TEAD1: variants seen among roughly 807,000 people sequenced by gnomAD.
The protein encoded by TEAD1 is TEA domain transcription factor 1, also known as transcriptional enhancer factor TEF-1.
TEAD1 carries 9 observed loss-of-function variants against 54.9 expected under a neutral mutation model. That is an observed-to-expected ratio of 0.16 (90% CI 0.10 to 0.29). TEAD1 has a LOEUF of 0.29. TEAD1 is among the 10% of genes least tolerant of loss of function. The pLI is 1.00. For synonymous variants in TEAD1, 200 were observed against 187.8 expected (o/e 1.07, Z -0.53); for missense variants, 387 against 535.9 (o/e 0.72, Z 2.74).
At chr11:12,696,425 C>T (rs777617994) in intron 2 of TEAD1, among the ~76,000 whole-genome samples, 3 of 152,082 alleles carry the variant, frequency 2.0e-5, no homozygotes, top group Non-Finnish European at 4.4e-5. Flanking sequence ...GATGTTTGAC[C>T]CATGGGTATA....
intron 2 of TEAD1, among the ~76,000 whole-genome samples, chr11:12,720,608 G>A (rs1259339306): frequency 6.6e-6 from 1 of 152,156 alleles, no homozygotes; most frequent in Non-Finnish European, 1.5e-5. Flanking sequence ...AATGGTGAAG[G>A]CAGGATTTGA....
At chr11:12,687,031 T>C (rs1943348542) in intron 2 of TEAD1, among the ~76,000 whole-genome samples, 1 of 152,188 alleles carries the variant, frequency 6.6e-6, no homozygotes, top group Non-Finnish European at 1.5e-5. Flanking sequence ...GTCCTCCAAG[T>C]GCTGGGTCTT....
At chr11:12,787,378 C>T (rs1024473777) in intron 3 of TEAD1, among the ~76,000 whole-genome samples, 3 of 152,146 alleles carry the variant, frequency 2.0e-5, no homozygotes, top group African/African-American at 7.2e-5. Flanking sequence ...TTGTATGATG[C>T]GCCTGGTTTA....
At chr11:12,760,319 T>C (rs1193387021) in intron 2 of TEAD1, among the ~76,000 whole-genome samples, 1 of 152,242 alleles carries the variant, frequency 6.6e-6, no homozygotes, top group African/African-American at 2.4e-5. Context: ...TGGGATGAAA[T>C]TTAATTTGTT....
chr11:12,880,803 G>A (rs527394849), intron 6 of TEAD1, among the ~76,000 whole-genome samples: 130 of 152,296 alleles, frequency 8.5e-4, no homozygotes, highest in Non-Finnish European at 1.3e-3. Context: ...GGAAGGAGGC[G>A]CTAAGGGGAG....
intron 3 of TEAD1, among the ~76,000 whole-genome samples, chr11:12,796,375 G>A (rs570190720): frequency 6.6e-6 from 1 of 152,300 alleles, no homozygotes; most frequent in East Asian, 1.9e-4. Flanking sequence ...ATGCTATTGT[G>A]TTACTTTTGG....
intron 2 of TEAD1, among the ~76,000 whole-genome samples, chr11:12,699,479 A>G (rs568924798): frequency 2.2e-4 from 34 of 152,360 alleles, no homozygotes; most frequent in African/African-American, 7.5e-4. Context: ...ATATACACCA[A>G]TAGTACTTCA....
intron 2 of TEAD1, among the ~76,000 whole-genome samples, chr11:12,713,346 C>A (rs932764310): frequency 2.0e-5 from 3 of 152,144 alleles, no homozygotes; most frequent in Non-Finnish European, 4.4e-5. Flanking sequence ...ATGTGAGGCT[C>A]CTCAAACCCG....
At chr11:12,759,270 T>C (rs1945053050) in intron 2 of TEAD1, among the ~76,000 whole-genome samples, 1 of 152,144 alleles carries the variant, frequency 6.6e-6, no homozygotes, top group Non-Finnish European at 1.5e-5. Context: ...CATTGGACTG[T>C]CTTATCCCGG....
chr11:12,883,149 T>G (rs202054828), intron 9 of TEAD1, 24 bp downstream of exon 9: 127 of 1,614,142 alleles, frequency 7.9e-5, no homozygotes, highest in Non-Finnish European at 1.0e-4. Context: ...GAGAGGTGTG[T>G]CTTGAATCCA....
intron 2 of TEAD1, among the ~76,000 whole-genome samples, chr11:12,751,917 G>A (rs1944879178): frequency 6.6e-6 from 1 of 152,174 alleles, no homozygotes. Flanking sequence ...TGGCTACTGA[G>A]TAAAGGAAAG....
At chr11:12,800,371 C>G (rs111416822) in intron 3 of TEAD1, among the ~76,000 whole-genome samples, 299 of 152,298 alleles carry the variant, frequency 2.0e-3, no homozygotes, top group African/African-American at 6.4e-3. Context: ...AAGCTTTGAT[C>G]AAACAGCTAT....
At chr11:12,893,873 G>C (rs1161228799) in intron 9 of TEAD1, among the ~76,000 whole-genome samples, 1 of 152,218 alleles carries the variant, frequency 6.6e-6, no homozygotes, top group East Asian at 1.9e-4. Context: ...ACCCACTTCA[G>C]ATTCACTTTC....
chr11:12,887,791 C>T (rs1948120237), intron 9 of TEAD1, among the ~76,000 whole-genome samples: 1 of 152,148 alleles, frequency 6.6e-6, no homozygotes, highest in East Asian at 1.9e-4. Flanking sequence ...CAAATTTGGG[C>T]ATACAGTACT....
At chr11:12,812,172 T>C (rs1946315707) in intron 3 of TEAD1, among the ~76,000 whole-genome samples, 1 of 152,104 alleles carries the variant, frequency 6.6e-6, no homozygotes. Flanking sequence ...TCGTGGCTTG[T>C]GGTTGTGGAC....
intron 9 of TEAD1, among the ~76,000 whole-genome samples, chr11:12,883,780 G>T (rs546283752): frequency 6.6e-6 from 1 of 152,010 alleles, no homozygotes; most frequent in South Asian, 2.1e-4. Flanking sequence ...TTGGGAGGCC[G>T]AGGCAGGTGG....
At chr11:12,812,888 A>G (rs866254990) in intron 3 of TEAD1, among the ~76,000 whole-genome samples, 2 of 152,336 alleles carry the variant, frequency 1.3e-5, no homozygotes, top group Middle Eastern at 3.4e-3. Flanking sequence ...TCAATAGAAC[A>G]ATACCTTTCT....
At chr11:12,906,958 G>A (rs1948532079) in intron 10 of TEAD1, among the ~76,000 whole-genome samples, 1 of 152,150 alleles carries the variant, frequency 6.6e-6, no homozygotes, top group South Asian at 2.1e-4. Flanking sequence ...TGGTGCTATC[G>A]AGTCTTTGTA....
At chr11:12,841,146 G>A (rs896150628) in intron 3 of TEAD1, among the ~76,000 whole-genome samples, 5 of 152,186 alleles carry the variant, frequency 3.3e-5, no homozygotes, top group Non-Finnish European at 7.3e-5. Context: ...AAGGGGAAAA[G>A]GAACAGAATT....
Sources: gnomAD v4.1 joint callset for allele counts (sites outside exome capture counted in the v4.1 genomes callset) on GRCh38, gnomAD v4.1.1 for gene constraint, MANE v1.5 for transcripts, NCBI Gene and HGNC (gene_info 2026-07-23, HGNC 2026-07-21) for gene names.